The following SLC24A3 variants were observed in gnomAD, a reference collection of about 807,000 sequenced individuals.
The protein encoded by SLC24A3 is solute carrier family 24 member 3.
A neutral mutation model predicts 75.8 loss-of-function variants in SLC24A3; 28 were observed. The ratio of observed to expected loss-of-function variants is 0.37; its 90% CI spans 0.27 to 0.51. SLC24A3 has a LOEUF of 0.51. SLC24A3 is among the 20% of genes least tolerant of loss of function. The pLI is 0.94. For synonymous variants in SLC24A3, 372 were observed against 334.1 expected (o/e 1.11, Z -1.24); for missense variants, 663 against 847.8 (o/e 0.78, Z 2.71).
intron 2 of SLC24A3, among the ~76,000 whole-genome samples, chr20:19,286,533 T>C (rs1428769329): frequency 6.6e-6 from 1 of 152,106 alleles, no homozygotes; most frequent in Non-Finnish European, 1.5e-5. Flanking sequence ...TGTCATCTTT[T>C]ACATGAAAAA....
At chr20:19,653,459 G>A (rs1456666658) in intron 6 of SLC24A3, among the ~76,000 whole-genome samples, 2 of 152,046 alleles carry the variant, frequency 1.3e-5, no homozygotes, top group Non-Finnish European at 2.9e-5. Context: ...TAGAGATGAG[G>A]GAAGAAGGTC....
At chr20:19,540,526 G>A (rs111304494) in intron 3 of SLC24A3, among the ~76,000 whole-genome samples, 487 of 152,266 alleles carry the variant, frequency 3.2e-3, no homozygotes, top group African/African-American at 0.011. Context: ...CAGCAGGCTC[G>A]CAGAGGCCAG....
At chr20:19,369,341 C>A (rs1473148351) in intron 2 of SLC24A3, among the ~76,000 whole-genome samples, 3 of 152,116 alleles carry the variant, frequency 2.0e-5, no homozygotes, top group Admixed American at 1.3e-4. Flanking sequence ...CAAACCCAAA[C>A]TGAGGGGCAT....
At position 19,706,377 on chromosome 20, in the gene SLC24A3, G is replaced by T. The variant is rs1022374827; in HGVS notation, c.1719+7697G>T. On this transcript the variant is annotated intron_variant, in intron 15 of 16. Transcript: ENST00000328041. ...CGTGATGCCTGCTCTCCTAAGGGCT[G>T]CCTATACAGAAGTTTAGGTAGTGTG... Among the ~76,000 whole-genome samples, 5 of 152,310 alleles carry T rather than the reference G, an allele frequency of 3.3e-5. No homozygotes were observed. The South Asian group carries it at 1.0e-3, about 32-fold the overall frequency.
In SLC24A3 at chr20:19,242,069, A is replaced by G. The variant is rs536165150; in HGVS notation, c.142+29085A>G. On this transcript the variant is annotated intron_variant, in intron 1 of 16. Transcript: ENST00000328041. ...GCACATCTCTGTGTACCTCAATGCT[A>G]TCAGATCTCCATCATGGACTCTCAT... 5.9e-5 allele frequency among the ~76,000 whole-genome samples: 9 copies of G among 152,260 alleles called. No individual in the cohort carries two copies. In the East Asian group the frequency reaches 1.2e-3, roughly 20 times the overall value.
At chr20:19,693,233 C>G in intron 12 of SLC24A3, 26 bp from the exon 13 acceptor site, 1 of 1,579,856 alleles carries the variant, frequency 6.3e-7, no homozygotes, top group South Asian at 1.2e-5. Context: ...TTTTTTATTT[C>G]TTTTTGGCCT....
intron 3 of SLC24A3, among the ~76,000 whole-genome samples, chr20:19,541,295 G>T (rs903247726): frequency 2.6e-5 from 4 of 152,180 alleles, no homozygotes; most frequent in African/African-American, 9.7e-5. Context: ...GAAGATGTTG[G>T]AGCTATCCTA....
chr20:19,410,144 G>A (rs1350244710), intron 2 of SLC24A3, among the ~76,000 whole-genome samples: 1 of 152,046 alleles, frequency 6.6e-6, no homozygotes, highest in Non-Finnish European at 1.5e-5. Context: ...ACGTTGGAAG[G>A]AACCATGTAA....
intron 2 of SLC24A3, among the ~76,000 whole-genome samples, chr20:19,412,456 G>A (rs1396632168): frequency 1.3e-5 from 2 of 152,056 alleles, no homozygotes; most frequent in East Asian, 1.9e-4. Flanking sequence ...GGAAGAAGAG[G>A]AAGAGTAAAT....
At chr20:19,546,145 C>A (rs957096278) in intron 3 of SLC24A3, among the ~76,000 whole-genome samples, 11 of 80,864 alleles carry the variant, frequency 1.4e-4, no homozygotes, top group African/African-American at 4.8e-4. Flanking sequence ...GGCGACAGAG[C>A]GAGACTCCGT....
chr20:19,406,790 C>T (rs79859344), intron 2 of SLC24A3, among the ~76,000 whole-genome samples: 1,826 of 152,266 alleles, frequency 0.012, 37 homozygotes, highest in African/African-American at 0.039. Context: ...AGTGCCATGA[C>T]CTTGCCATCC....
chr20:19,279,899 A>G (rs1049263205), intron 1 of SLC24A3, among the ~76,000 whole-genome samples: 3 of 152,082 alleles, frequency 2.0e-5, no homozygotes, highest in African/African-American at 7.2e-5. Context: ...ACCAAGTAAT[A>G]TGGGTCGAGC....
chr20:19,451,074 G>A (rs938640406), intron 2 of SLC24A3, among the ~76,000 whole-genome samples: 6 of 152,204 alleles, frequency 3.9e-5, no homozygotes, highest in Admixed American at 3.9e-4. Flanking sequence ...TGACCCAGGT[G>A]CTGAGTACAT....
At chr20:19,427,623 C>T (rs1203154160) in intron 2 of SLC24A3, among the ~76,000 whole-genome samples, 1 of 152,218 alleles carries the variant, frequency 6.6e-6, no homozygotes, top group Non-Finnish European at 1.5e-5. Flanking sequence ...ATCGGGAACC[C>T]GGAGTCCATT....
intron 2 of SLC24A3, among the ~76,000 whole-genome samples, chr20:19,413,645 A>G (rs540180870): frequency 6.6e-6 from 1 of 152,262 alleles, no homozygotes; most frequent in South Asian, 2.1e-4. Context: ...CAGACTGATG[A>G]TTACATTTTG....
At chr20:19,338,685 G>T (rs543954118) in intron 2 of SLC24A3, among the ~76,000 whole-genome samples, 64 of 152,316 alleles carry the variant, frequency 4.2e-4, no homozygotes, top group African/African-American at 1.5e-3. Context: ...TTTACATGCA[G>T]ATGTGACCTT....
At chr20:19,682,321 G>C (rs1421735325) in intron 10 of SLC24A3, among the ~76,000 whole-genome samples, 1 of 152,200 alleles carries the variant, frequency 6.6e-6, no homozygotes, top group Non-Finnish European at 1.5e-5. Flanking sequence ...GAAAGTGCTA[G>C]AATATGAGCC....
At chr20:19,562,413 A>T (rs2030888480) in intron 3 of SLC24A3, among the ~76,000 whole-genome samples, 1 of 152,214 alleles carries the variant, frequency 6.6e-6, no homozygotes, top group Non-Finnish European at 1.5e-5. Flanking sequence ...GCTGATGTCC[A>T]GGTACCAAGG....
At position 19,717,525 on chromosome 20, in the gene SLC24A3, C is replaced by T; in HGVS notation, c.1720-3C>T. 1 of 1,613,988 alleles carries T rather than the reference C, an allele frequency of 6.2e-7. No individual in the cohort carries two copies. Among genetic ancestry groups the T allele is most frequent in the Non-Finnish European group, 8.5e-7 (1 of 1,179,856 alleles). ...GAAGCCTAACTCTAACCCTCTCTTA[C>T]AGATCCGGCTGAATAGCAGGGGGCT... is the stretch of plus-strand genomic sequence containing the variant. On this transcript the variant is annotated splice_region_variant and splice_polypyrimidine_tract_variant and intron_variant, in intron 15 of 16. Transcript: ENST00000328041.
Sources: gnomAD v4.1 joint callset for allele counts (sites outside exome capture counted in the v4.1 genomes callset) on GRCh38, gnomAD v4.1.1 for gene constraint, MANE v1.5 for transcripts, NCBI Gene and HGNC (gene_info 2026-07-23, HGNC 2026-07-21) for gene names.